NUDT10: variants seen among roughly 807,000 people sequenced by gnomAD.
NUDT10 encodes the protein diphosphoinositol polyphosphate phosphohydrolase 3-alpha.
In NUDT10, 2 loss-of-function variants were observed where a neutral mutation model predicts 10.5. The ratio of observed to expected loss-of-function variants is 0.19; its 90% confidence interval spans 0.08 to 0.60. The LOEUF (loss-of-function observed/expected upper bound fraction) is 0.60, where lower values mean the gene tolerates loss of function less well. Among genes scored for constraint, NUDT10 ranks in the 20% least tolerant of loss-of-function variants. The pLI is 0.89. For synonymous variants in NUDT10, 53 were observed against 71.8 expected (o/e 0.74, Z 1.32); for missense variants, 75 against 149.5 (o/e 0.50, Z 2.60).
Position 51,332,861 on chromosome X carries a change from C to A in NUDT10, c.-105C>A, listed in dbSNP as rs1416961498. 1.8e-6 allele frequency: 2 copies of A among 1,088,329 alleles called. No homozygotes were observed. The highest frequency in any genetic ancestry group is 2.4e-6 in the Non-Finnish European group (2 of 825,093). The allele number at this position is 1,088,329 out of a possible 1,213,427, so 89.7% of individuals were successfully genotyped here. On this transcript the variant is annotated 5_prime_UTR_variant, in exon 1 of 2. Coordinates refer to ENST00000356450, the MANE Select transcript of NUDT10 (RefSeq NM_001304963.2). The stretch of plus-strand genomic sequence containing the variant: ...GGCGCCTCTCTCTCCCCGCCCCTCT[C>A]CTCGGCCCTTTCTCTTCCCAGCACC...
Position 51,336,455 on chromosome X carries a change from T to C in NUDT10, c.*216T>C. ...GTACATAATTCTAACTTGGCACCTG[T>C]GGCCTTTTTTGTGCTCTTATGTGTC... On this transcript the variant is annotated 3_prime_UTR_variant, in exon 2 of 2. Transcript: ENST00000356450. 1 of 320,942 alleles carries C rather than the reference T, an allele frequency of 3.1e-6. No individual in the cohort carries two copies. The highest frequency in any genetic ancestry group is 5.5e-6 in the Non-Finnish European group (1 of 180,995). 26.4% of individuals were successfully genotyped at this position (320,942 alleles called of 1,213,427 possible).
At position 51,333,010 on chromosome X, in the gene NUDT10, G is replaced by A. The variant is rs1297522107; in HGVS notation, c.45G>A (p.Gly15=). 4.1e-6 allele frequency: 5 copies of A among 1,209,718 alleles called. No individual in the cohort carries two copies. The highest frequency in any genetic ancestry group is 5.6e-6 in the Non-Finnish European group (5 of 895,103). The part of the protein sequence containing the change: ...PNQTRTYDPE[G]FKKRAACLCF... ...AGACACGGACCTACGACCCCGAGGGGTTCAAGAAGCGGGCGGCGTGCCTGT... is the reference window on the plus strand; with the variant it reads ...AGACACGGACCTACGACCCCGAGGGATTCAAGAAGCGGGCGGCGTGCCTGT... The change falls in exon 1 of 2, where the codon GGG becomes GGA. Residue 15 remains glycine (G), a synonymous_variant. Transcript: ENST00000356450.
At chrX:51,333,576 T>A in intron 1 of NUDT10, 117 bp downstream of exon 1, 1 of 1,010,493 alleles carries the variant, frequency 9.9e-7, no homozygotes. Flanking sequence ...AGGCTTTTGT[T>A]TCCTTGGCAG....
intron 1 of NUDT10, among the ~76,000 whole-genome samples, chrX:51,333,778 T>TGGGGGGGGGGGGGGGG (rs1569552317): frequency 4.6e-4 from 1 of 2,189 alleles, no homozygotes; most frequent in Non-Finnish European, 8.3e-4. Context: ...GGGCGAGGGG[T>TGGGGGGGGGGGGGGGG]GGGCGGGGAG....
In NUDT10 at chrX:51,332,874, T is replaced by C; in HGVS notation, c.-92T>C. On this transcript the variant is annotated 5_prime_UTR_variant, in exon 1 of 2. Transcript: ENST00000356450. ...CCCCGCCCCTCTCCTCGGCCCTTTCTCTTCCCAGCACCTCGGCTGCTGCCC... is the reference window on the plus strand; with the variant it reads ...CCCCGCCCCTCTCCTCGGCCCTTTCCCTTCCCAGCACCTCGGCTGCTGCCC... 1 of 1,121,077 alleles carries C rather than the reference T, an allele frequency of 8.9e-7. No homozygotes were observed. The highest frequency in any genetic ancestry group is 1.2e-6 in the Non-Finnish European group (1 of 847,251). The allele number at this position is 1,121,077 out of a possible 1,213,427, so 92.4% of individuals were successfully genotyped here.
At chrX:51,336,145 G>T in intron 1 of NUDT10, 94 bp from the exon 2 acceptor site, 1 of 483,824 alleles carries the variant, frequency 2.1e-6, no homozygotes, top group East Asian at 3.6e-5. Context: ...ATTCAAAATG[G>T]TTGATGAGCC....
At chrX:51,333,769 G>GGGGGGGGGT (rs1922758171) in intron 1 of NUDT10, among the ~76,000 whole-genome samples, 1 of 67,539 alleles carries the variant, frequency 1.5e-5, no homozygotes, top group African/African-American at 5.3e-5. Flanking sequence ...GGGGGTGGGG[G>GGGGGGGGGT]GCGAGGGGTG....
chrX:51,333,130 G>A lies in NUDT10; in HGVS notation c.165G>A (p.Glu55=). The change falls in exon 1 of 2, where the codon GAG becomes GAA. Residue 55 remains glutamate, a synonymous_variant. Coordinates refer to ENST00000356450, the MANE Select transcript of NUDT10 (RefSeq NM_001304963.2). The stretch of plus-strand genomic sequence containing the variant: ...TGCCGGGCGGGGGCATGGAGCCCGA[G>A]GAGGAGCCGGGCGGTGCGGCGGTCC... ...WIVPGGGMEP[E]EEPGGAAVRE... The A allele has an allele frequency of 8.3e-7, 1 of 1,210,835 alleles. No individual in the cohort carries two copies. The highest frequency in any genetic ancestry group is 1.1e-6 in the Non-Finnish European group (1 of 894,870).
At chrX:51,334,722 G>A (rs1305523338) in intron 1 of NUDT10, among the ~76,000 whole-genome samples, 1 of 111,846 alleles carries the variant, frequency 8.9e-6, no homozygotes, top group Non-Finnish European at 1.9e-5. Context: ...ACCTTCCGCT[G>A]TTCCCCCAGC....
Position 51,332,882 on chromosome X carries a change from G to C in NUDT10, c.-84G>C. On this transcript the variant is annotated 5_prime_UTR_variant, in exon 1 of 2. Coordinates refer to ENST00000356450, the MANE Select transcript of NUDT10 (RefSeq NM_001304963.2). ...CTCTCCTCGGCCCTTTCTCTTCCCAGCACCTCGGCTGCTGCCCGGCAGCGG... is the reference window on the plus strand; with the variant it reads ...CTCTCCTCGGCCCTTTCTCTTCCCACCACCTCGGCTGCTGCCCGGCAGCGG... 1 of 1,141,140 alleles carries C rather than the reference G, an allele frequency of 8.8e-7. No homozygotes were observed. Among genetic ancestry groups the C allele is most frequent in the Non-Finnish European group, 1.2e-6 (1 of 857,772 alleles). 94.0% of individuals were successfully genotyped at this position (1,141,140 alleles called of 1,213,427 possible).
In NUDT10 at chrX:51,333,115, G is replaced by A. The variant is rs782492358; in HGVS notation, c.150G>A (p.Gly50=). The A allele has an allele frequency of 5.8e-6, 7 of 1,208,329 alleles. No individual in the cohort carries two copies. Among genetic ancestry groups the A allele is most frequent in the Admixed American group, 4.4e-5 (2 of 45,724 alleles). The part of the protein sequence containing the change: ...RYPDRWIVPG[G]GMEPEEEPGG... Reference sequence around the variant, plus strand: ...CGGACCGCTGGATCGTGCCGGGCGGGGGCATGGAGCCCGAGGAGGAGCCGG... The same window carrying A: ...CGGACCGCTGGATCGTGCCGGGCGGAGGCATGGAGCCCGAGGAGGAGCCGG... The change falls in exon 1 of 2, where the codon GGG becomes GGA. Residue 50 remains glycine, a synonymous_variant. Coordinates refer to ENST00000356450, the MANE Select transcript of NUDT10 (RefSeq NM_001304963.2).
chrX:51,332,994 C>T lies in NUDT10; in HGVS notation c.29C>T (p.Thr10Ile), dbSNP rs781870817. Residue 10 changes from threonine (T) to isoleucine (I), a missense_variant, in exon 1 of 2, where the codon ACC becomes ATC. Physicochemically the swap from Thr to Ile is moderately conservative, Grantham distance 89. Coordinates refer to ENST00000356450, the MANE Select transcript of NUDT10 (RefSeq NM_001304963.2). ...AAGTGCAAACCCAACCAGACACGGA[C>T]CTACGACCCCGAGGGGTTCAAGAAG... is the stretch of plus-strand genomic sequence containing the variant. MKCKPNQTR[T>I]YDPEGFKKRA... 1.2e-5 allele frequency: 14 copies of T among 1,209,620 alleles called. No homozygotes were observed. The highest frequency in any genetic ancestry group is 1.5e-5 in the Non-Finnish European group (13 of 895,080).
intron 1 of NUDT10, among the ~76,000 whole-genome samples, chrX:51,333,778 T>TGGGGGGTGGGGGGGTGG (rs1569552317): frequency 4.6e-4 from 1 of 2,189 alleles, no homozygotes; most frequent in Non-Finnish European, 8.3e-4. Context: ...GGGCGAGGGG[T>TGGGGGGTGGGGGGGTGG]GGGCGGGGAG....
At chrX:51,334,651 T>C (rs1244768671) in intron 1 of NUDT10, among the ~76,000 whole-genome samples, 3 of 111,987 alleles carry the variant, frequency 2.7e-5, no homozygotes, top group Non-Finnish European at 5.6e-5. Flanking sequence ...GCTCTCACGT[T>C]TGCCTCAGTA....
At position 51,335,305 on chromosome X, in the gene NUDT10, CAA is replaced by C. The variant is rs35660767; in HGVS notation, c.*-913_*-912del. On this transcript the variant is annotated intron_variant, in intron 1 of 1. Coordinates refer to ENST00000356450, the MANE Select transcript of NUDT10 (RefSeq NM_001304963.2). ...TGCACTCCAGCCTGGGCGACCGTCT[CAA>C]AAAAAAAAAAAAAAAAAAAAGACTG... Among the ~76,000 whole-genome samples the C allele has an allele frequency of 1.8e-3, 77 of 43,285 alleles. 1 individual carries two copies. In the South Asian group the frequency reaches 0.031, roughly 18 times the overall value. The allele number at this position is 43,285 out of a possible 115,157, so 37.6% of individuals were successfully genotyped here.
At chrX:51,335,373 A>G (rs12841743) in intron 1 of NUDT10, among the ~76,000 whole-genome samples, 14,331 of 108,329 alleles carry the variant, frequency 0.13, 842 homozygotes, top group Middle Eastern at 0.22. Flanking sequence ...ACAAGTGCCT[A>G]CTTTTTCTTA....
Position 51,332,918 on chromosome X carries a change from G to A in NUDT10, c.-48G>A, listed in dbSNP as rs782511126. ...GCTGCCCGGCAGCGGCAGCAGCTGC[G>A]TCGGCGGCCCACACAGCAGCGAGAG... On this transcript the variant is annotated 5_prime_UTR_variant, in exon 1 of 2. Coordinates refer to ENST00000356450, the MANE Select transcript of NUDT10 (RefSeq NM_001304963.2). 51 of 538,259 alleles carry A rather than the reference G, an allele frequency of 9.5e-5. No homozygotes were observed. The African/African-American group carries it at 1.0e-3, about 11-fold the overall frequency. 44.4% of individuals were successfully genotyped at this position (538,259 alleles called of 1,213,427 possible).
chrX:51,332,938 C>T lies in NUDT10; in HGVS notation c.-28C>T, dbSNP rs782195561. 2 of 1,206,236 alleles carry T rather than the reference C, an allele frequency of 1.7e-6. No individual in the cohort carries two copies. Among genetic ancestry groups the T allele is most frequent in the African/African-American group, 1.7e-5 (1 of 57,244 alleles). On this transcript the variant is annotated 5_prime_UTR_variant, in exon 1 of 2. Transcript: ENST00000356450. ...GCTGCGTCGGCGGCCCACACAGCAG[C>T]GAGAGGCGAGAGGAGGCTGCCTCGA...
At chrX:51,332,530 T>C (rs1922686958), upstream of NUDT10, among the ~76,000 whole-genome samples, 2 of 112,317 alleles carry the variant, frequency 1.8e-5, no homozygotes, top group Non-Finnish European at 3.8e-5. Context: ...CCCCCGCCCC[T>C]GGCCCCTCGC....
Sources: gnomAD v4.1 joint callset for allele counts (sites outside exome capture counted in the v4.1 genomes callset) on GRCh38, gnomAD v4.1.1 for gene constraint, MANE v1.5 for transcripts, NCBI Gene and HGNC (gene_info 2026-07-23, HGNC 2026-07-21) for gene names.